The following MCC variants were observed in gnomAD, a reference collection of about 807,000 sequenced individuals.
The protein encoded by MCC is MCC regulator of Wnt signaling pathway, also known as colorectal mutant cancer protein.
In MCC, 90 loss-of-function variants were observed where a neutral mutation model predicts 116.2. That is an observed-to-expected ratio of 0.77 (90% CI 0.65 to 0.92). MCC has a LOEUF of 0.92. Among genes scored for constraint, MCC ranks in the 40% least tolerant of loss-of-function variants. The pLI, the probability that MCC is intolerant of heterozygous loss-of-function variation, is 0.00. For synonymous variants in MCC, 578 were observed against 510.5 expected (o/e 1.13, Z -1.78); for missense variants, 1,516 against 1,312.2 (o/e 1.16, Z -2.40).
rs551045093 is a variant in MCC at position 113,335,801 on chromosome 5, T to C, written c.627+4718A>G. Among the ~76,000 whole-genome samples the C allele has an allele frequency of 2.2e-4, 34 of 151,842 alleles. 3 individuals are homozygous for C. Among genetic ancestry groups the C allele is most frequent in the African/African-American group, 8.3e-4 (34 of 41,112 alleles). On this transcript the variant is annotated intron_variant, in intron 3 of 18. Transcript: ENST00000408903. The stretch of plus-strand genomic sequence containing the variant: ...ACATTCCCCAGAGTTCTCTTTCTTG[T>C]ATGGTTCTGTATGGCCATGAGAGAC...
intron 3 of MCC, among the ~76,000 whole-genome samples, chr5:113,208,815 A>G (rs1763009568): frequency 6.6e-6 from 1 of 151,856 alleles, no homozygotes; most frequent in Non-Finnish European, 1.5e-5. Flanking sequence ...ATTACTCAAA[A>G]GCAATATGTC....
In MCC at chr5:113,477,367, G is replaced by A. The variant is rs573699384; in HGVS notation, c.170+10878C>T. On this transcript the variant is annotated intron_variant, in intron 1 of 18. Transcript: ENST00000408903. ...CACTTTGAAATACTCAGTACAAAGC[G>A]AAAGAAGGTCATAATCATAGGTCAC... is the stretch of plus-strand genomic sequence containing the variant. Among the ~76,000 whole-genome samples, 19 of 152,302 alleles carry A rather than the reference G, an allele frequency of 1.2e-4. 1 individual carries two copies. Among genetic ancestry groups the A allele is most frequent in the South Asian group, 1.2e-3 (6 of 4,826 alleles).
chr5:113,279,914 T>C (rs1765972937), intron 3 of MCC, among the ~76,000 whole-genome samples: 1 of 152,242 alleles, frequency 6.6e-6, no homozygotes, highest in African/African-American at 2.4e-5. Context: ...GAAATTGAAG[T>C]AATTCTGTAC....
At chr5:113,188,576 G>A (rs895340120) in intron 3 of MCC, among the ~76,000 whole-genome samples, 35 of 152,314 alleles carry the variant, frequency 2.3e-4, no homozygotes, top group African/African-American at 7.9e-4. Flanking sequence ...AAGGGGAAGG[G>A]AAAATCATGG....
chr5:113,295,263 T>G (rs959575654), intron 3 of MCC, among the ~76,000 whole-genome samples: 4 of 151,980 alleles, frequency 2.6e-5, no homozygotes, highest in Non-Finnish European at 4.4e-5. Flanking sequence ...ACCTAAACAC[T>G]GTACATCAGA....
In MCC at chr5:113,294,313, C is replaced by G. The variant is rs200146175; in HGVS notation, c.627+46206G>C. The stretch of plus-strand genomic sequence containing the variant: ...CGCCCGAGAAACCCTAGCTCCCGAC[C>G]TCAGCTGTTTCTTACCTCACTCAGC... On this transcript the variant is annotated intron_variant, in intron 3 of 18. Transcript: ENST00000408903. The G allele has an allele frequency of 2.5e-6, 4 of 1,613,556 alleles. No individual in the cohort carries two copies. The East Asian group carries it at 6.7e-5, about 27-fold the overall frequency.
intron 3 of MCC, among the ~76,000 whole-genome samples, chr5:113,246,527 G>T (rs1764582654): frequency 1.3e-5 from 2 of 152,214 alleles, no homozygotes; most frequent in South Asian, 4.1e-4. Flanking sequence ...AAACAGGAAA[G>T]CCAAGTGACT....
chr5:113,234,687 T>G (rs1019124291), intron 3 of MCC: 1 of 152,096 alleles, frequency 6.6e-6, no homozygotes, highest in Non-Finnish European at 1.5e-5. Context: ...ACAACTAGAG[T>G]TAAAACAGGA....
rs150602416 is a variant in MCC, at chr5:113,085,227, C to T, written c.1482G>A (p.Pro494=). 2.4e-4 allele frequency: 383 copies of T among 1,614,140 alleles called. 1 individual carries two copies. The African/African-American group carries it at 3.8e-3, about 16-fold the overall frequency. ...SPGRLTSTNR[P]INPSTGELST... ...TCAGCTCCCCAGTGCTGGGGTTAAT[C>T]GGGCGGTTGGTGGAAGTGAGGCGGC... Residue 494 remains proline, a synonymous_variant, in exon 9 of 19, where the codon CCG becomes CCA. Transcript: ENST00000408903.
At chr5:113,357,979 A>G (rs1259125264) in intron 2 of MCC, among the ~76,000 whole-genome samples, 1 of 152,174 alleles carries the variant, frequency 6.6e-6, no homozygotes, top group Non-Finnish European at 1.5e-5. Context: ...AATTTTTTAA[A>G]AACTTTCTAA....
At chr5:113,046,994 A>C (rs4235779) in intron 16 of MCC, among the ~76,000 whole-genome samples, 148,826 of 152,172 alleles carry the variant, frequency 0.98, 72,787 homozygotes, top group East Asian at 1. Flanking sequence ...CGGGCCATTA[A>C]ACGTGCTGTC....
At position 113,434,453 on chromosome 5, in the gene MCC, G is replaced by A. The variant is rs377130431; in HGVS notation, c.171-49241C>T. 1.2e-6 allele frequency: 2 copies of A among 1,613,598 alleles called. No homozygotes were observed. The highest frequency in any genetic ancestry group is 2.7e-5 in the African/African-American group (2 of 74,834). On this transcript the variant is annotated intron_variant, in intron 1 of 18. Transcript: ENST00000408903. This position sits in a 1 kb window ranked among gnomAD's most constrained non-coding sequence, Gnocchi z 4.2. ...TGAGGTCCCGGTGGACGACGTCCAG[G>A]TCGTGGCAGTACTTGATGGCCAAGG... is the stretch of plus-strand genomic sequence containing the variant.
intron 3 of MCC, among the ~76,000 whole-genome samples, chr5:113,202,288 C>A (rs760682817): frequency 5.3e-5 from 8 of 151,926 alleles, no homozygotes; most frequent in African/African-American, 1.9e-4. Context: ...GGAGTGCACA[C>A]GGAGCTTCTA....
At chr5:113,380,834 C>T (rs1481889530) in intron 2 of MCC, among the ~76,000 whole-genome samples, 1 of 152,070 alleles carries the variant, frequency 6.6e-6, no homozygotes, top group Non-Finnish European at 1.5e-5. Context: ...GCTGAGTTTG[C>T]TAAATTAGAG....
Position 113,045,754 on chromosome 5 carries a change from G to A in MCC, c.2656-2124C>T, listed in dbSNP as rs374681070. Among the ~76,000 whole-genome samples the A allele has an allele frequency of 2.5e-4, 36 of 145,696 alleles. 1 individual carries two copies. The highest frequency in any genetic ancestry group is 8.7e-4 in the African/African-American group (34 of 39,254). On this transcript the variant is annotated intron_variant, in intron 16 of 18. Coordinates refer to ENST00000408903, the MANE Select transcript of MCC (RefSeq NM_001085377.2). The stretch of plus-strand genomic sequence containing the variant: ...GTGGAGGCTGCTGTGAGCTGAGATC[G>A]CACCACTGCACTCCAGCCTGGGCAA...
chr5:113,358,293 T>C (rs773090942), intron 2 of MCC, among the ~76,000 whole-genome samples: 4 of 152,178 alleles, frequency 2.6e-5, no homozygotes, highest in African/African-American at 2.4e-5. Flanking sequence ...TGAGAGGACA[T>C]TGGCCCTCCC....
chr5:113,211,955 C>T (rs1763150125), intron 3 of MCC, among the ~76,000 whole-genome samples: 2 of 152,182 alleles, frequency 1.3e-5, no homozygotes, highest in Non-Finnish European at 2.9e-5. Context: ...CCTAAATACA[C>T]ACACAGTAAA....
intron 8 of MCC, chr5:113,101,383 C>A (rs1349994132): frequency 1.5e-5 from 2 of 130,362 alleles, no homozygotes; most frequent in South Asian, 1.9e-4. Flanking sequence ...GGTAAAATTC[C>A]ATTTTTTTTT....
intron 3 of MCC, among the ~76,000 whole-genome samples, chr5:113,168,460 T>C (rs1019075380): frequency 6.6e-6 from 1 of 152,246 alleles, no homozygotes; most frequent in African/African-American, 2.4e-5. Flanking sequence ...ACATACTTTT[T>C]ATTAAAAACT....
Sources: gnomAD v4.1 joint callset for allele counts (sites outside exome capture counted in the v4.1 genomes callset) on GRCh38, gnomAD v4.1.1 for gene constraint, Gnocchi (gnomAD v3.1) non-coding constraint, MANE v1.5 for transcripts, NCBI Gene and HGNC (gene_info 2026-07-23, HGNC 2026-07-21) for gene names.